SYNE3: variants seen among roughly 807,000 people sequenced by gnomAD.
SYNE3 encodes the protein nesprin-3.
A neutral mutation model predicts 111.2 loss-of-function variants in SYNE3; 100 were observed. That is an observed-to-expected ratio of 0.90 (90% CI 0.77 to 1.06). The LOEUF is 1.06. Among genes scored for constraint, SYNE3 ranks in the 50% least tolerant of loss-of-function variants. The probability of loss-of-function intolerance (pLI) is 0.00; values close to 1 mark genes in which losing one functional copy is unlikely to be tolerated. For synonymous variants in SYNE3, 547 were observed against 533.9 expected (o/e 1.02, Z -0.34); for missense variants, 1,160 against 1,240.3 (o/e 0.94, Z 0.97).
chr14:95,460,419 C>T (rs1887727344), intron 4 of SYNE3, among the ~76,000 whole-genome samples: 1 of 143,150 alleles, frequency 7.0e-6, no homozygotes, highest in African/African-American at 2.6e-5. Flanking sequence ...CGGGGTTTCA[C>T]CATGTTGGCT....
At chr14:95,478,279 G>A (rs1242213216) in intron 1 of SYNE3, among the ~76,000 whole-genome samples, 4 of 152,174 alleles carry the variant, frequency 2.6e-5, no homozygotes, top group Admixed American at 2.0e-4. Context: ...CATCCAATAA[G>A]CAGACAGCAG....
chr14:95,439,680 C>A lies in SYNE3; in HGVS notation c.2178G>T (p.Val726=). The A allele has an allele frequency of 6.2e-7, 1 of 1,614,104 alleles. No individual in the cohort carries two copies. Among genetic ancestry groups the A allele is most frequent in the Non-Finnish European group, 8.5e-7 (1 of 1,180,030 alleles). ...EKSSPEGAAV[V]QEELRELAES... is the part of the protein sequence containing the mutation. ...CTGCCAGCTCCCTGAGCTCCTCCTG[C>A]ACCACGGCAGCACCCTCCGGAGAAG... The change falls in exon 13 of 18, where the codon GTG becomes GTT. Residue 726 remains valine (V), a synonymous_variant. Coordinates refer to ENST00000682763, the MANE Select transcript of SYNE3 (RefSeq NM_152592.6).
chr14:95,409,482 C>A lies in SYNE3; in HGVS notation c.*8344G>T. ...TTTCAGAAAGGAAGCCCAGGATCCT[C>A]GGGGGAAACCGAGGTCCCTCCTTAT... is the stretch of plus-strand genomic sequence containing the variant. On this transcript the variant is annotated 3_prime_UTR_variant, in exon 18 of 18. Transcript: ENST00000682763. 2.4e-6 allele frequency: 1 copy of A among 419,426 alleles called. No individual in the cohort carries two copies. The highest frequency in any genetic ancestry group is 4.7e-6 in the Non-Finnish European group (1 of 211,144). 26.0% of individuals were successfully genotyped at this position (419,426 alleles called of 1,614,324 possible). A position where few individuals can be genotyped will look rare whatever the true frequency, so the allele number is the denominator to read the frequency against.
chr14:95,421,118 C>T (rs145838245), intron 17 of SYNE3, among the ~76,000 whole-genome samples: 8 of 152,238 alleles, frequency 5.3e-5, no homozygotes, highest in Admixed American at 1.3e-4. Flanking sequence ...TCCCCAGCCA[C>T]GTGGAACTGT....
At chr14:95,463,857 G>C (rs1887998848) in intron 4 of SYNE3, among the ~76,000 whole-genome samples, 1 of 152,262 alleles carries the variant, frequency 6.6e-6, no homozygotes, top group African/African-American at 2.4e-5. Flanking sequence ...AACAGCCATT[G>C]TTGTTCCTAT....
intron 5 of SYNE3, 80 bp from the exon 6 acceptor site, chr14:95,455,804 A>T: frequency 1.4e-6 from 2 of 1,398,160 alleles, no homozygotes; most frequent in Non-Finnish European, 2.0e-6. Flanking sequence ...CAGACCTGGG[A>T]CTGCCCTGCA....
intron 15 of SYNE3, among the ~76,000 whole-genome samples, chr14:95,436,525 A>G (rs980853801): frequency 1.3e-5 from 2 of 152,258 alleles, no homozygotes; most frequent in Non-Finnish European, 2.9e-5. Context: ...TATTGTTATC[A>G]GCCACAAACT....
Position 95,466,181 on chromosome 14 carries a change from TA to T in SYNE3, c.376del (p.Tyr126ThrfsTer7). ...GACCATCATCTTCTGGAACCAGCGG[TA>T]GAACTCATCTCGGGCCAGCAGGTAC... ...SEYLLARDEFYRWFQKMMVTL... is the reference protein window; with the variant it reads ...SEYLLARDEFXRWFQKMMVTL... On this transcript the variant is annotated frameshift_variant, in exon 4 of 18. Coordinates refer to ENST00000682763, the MANE Select transcript of SYNE3 (RefSeq NM_152592.6). LOFTEE classifies it high-confidence loss of function. 1 of 1,598,770 alleles carries T rather than the reference TA, an allele frequency of 6.3e-7. No homozygotes were observed. The highest frequency in any genetic ancestry group is 1.1e-5 in the South Asian group (1 of 90,676).
At chr14:95,422,553 T>C (rs991786303) in intron 17 of SYNE3, among the ~76,000 whole-genome samples, 27 of 152,186 alleles carry the variant, frequency 1.8e-4, no homozygotes, top group Admixed American at 1.8e-3. Flanking sequence ...CCGGGATCTG[T>C]GGAGGATGGG....
At position 95,511,717 on chromosome 14, in the gene SYNE3, A is replaced by T. The variant is rs148387136; in HGVS notation, c.-15+4879T>A. ...GAGACAGAGCAAGACTCCTTCTCAA[A>T]AAATAAATAAATAAATAAATTAAAT... On this transcript the variant is annotated intron_variant, in intron 1 of 17. Transcript: ENST00000682763. Among the ~76,000 whole-genome samples, 1,246 of 152,136 alleles carry T rather than the reference A, an allele frequency of 8.2e-3. 16 individuals carry two copies. Among genetic ancestry groups the T allele is most frequent in the African/African-American group, 0.028 (1,169 of 41,480 alleles).
In SYNE3 at chr14:95,439,685, C is replaced by A. The variant is rs572478808; in HGVS notation, c.2173G>T (p.Val725Leu). Residue 725 changes from valine to leucine, a missense_variant, in exon 13 of 18, where the codon GTG (valine) becomes TTG (leucine). By Grantham distance (32) the Val-to-Leu change is conservative. Coordinates refer to ENST00000682763, the MANE Select transcript of SYNE3 (RefSeq NM_152592.6). ...MEKSSPEGAA[V>L]VQEELRELAE... is the part of the protein sequence containing the mutation. ...AGCTCCCTGAGCTCCTCCTGCACCA[C>A]GGCAGCACCCTCCGGAGAAGACTTC... The A allele has an allele frequency of 6.2e-7, 1 of 1,614,142 alleles. No homozygotes were observed. Among genetic ancestry groups the A allele is most frequent in the East Asian group, 2.2e-5 (1 of 44,888 alleles).
At chr14:95,495,369 G>A (rs1382341635) in intron 1 of SYNE3, among the ~76,000 whole-genome samples, 3 of 152,224 alleles carry the variant, frequency 2.0e-5, no homozygotes, top group African/African-American at 4.8e-5. Flanking sequence ...CTCCTGCTCT[G>A]GGTTCATCTG....
chr14:95,434,848 G>C (rs924853717), intron 15 of SYNE3, among the ~76,000 whole-genome samples: 3 of 152,116 alleles, frequency 2.0e-5, no homozygotes, highest in African/African-American at 7.2e-5. Context: ...GTAGAAACGT[G>C]GTTTCTCCAT....
rs114658909 is a variant in SYNE3, at chr14:95,497,567, G to A, written c.-15+19029C>T. On this transcript the variant is annotated intron_variant, in intron 1 of 17. Coordinates refer to ENST00000682763, the MANE Select transcript of SYNE3 (RefSeq NM_152592.6). ...AAATTAACACCCTAGAATAATGCAC[G>A]GTCTGCAGAGAAAAAGAGCAGACTG... 6.4e-3 allele frequency among the ~76,000 whole-genome samples: 967 copies of A among 152,226 alleles called. 14 individuals carry two copies. The highest frequency in any genetic ancestry group is 0.022 in the African/African-American group (912 of 41,536).
chr14:95,509,238 G>T (rs933928994), intron 1 of SYNE3, among the ~76,000 whole-genome samples: 1 of 152,214 alleles, frequency 6.6e-6, no homozygotes, highest in African/African-American at 2.4e-5. Context: ...GTGGGAAGGG[G>T]CAGGGAGAAG....
intron 7 of SYNE3, chr14:95,450,420 G>C: frequency 3.4e-6 from 1 of 295,452 alleles, no homozygotes; most frequent in Non-Finnish European, 6.3e-6. Context: ...CACACCTGTA[G>C]TCCCAGCACT....
rs1889518357 is a variant in SYNE3 at position 95,485,810 on chromosome 14, C to T, written c.-14-9975G>A. ...CCACTGGACTATAAATATCTGTCCC[C>T]TCATCTCTCCTGCTCCTCACTTCAC... On this transcript the variant is annotated intron_variant, in intron 1 of 17. Coordinates refer to ENST00000682763, the MANE Select transcript of SYNE3 (RefSeq NM_152592.6). This position sits in a 1 kb window ranked among gnomAD's most constrained non-coding sequence, Gnocchi z 4.3. 6.6e-6 allele frequency among the ~76,000 whole-genome samples: 1 copy of T among 152,180 alleles called. No homozygotes were observed. Among genetic ancestry groups the T allele is most frequent in the South Asian group, 2.1e-4 (1 of 4,832 alleles).
At chr14:95,420,710 A>AC in intron 17 of SYNE3, among the ~76,000 whole-genome samples, 1 of 152,084 alleles carries the variant, frequency 6.6e-6, no homozygotes, top group African/African-American at 2.4e-5. Context: ...ATGCTTAGGA[A>AC]AACACACACA....
At chr14:95,434,024 G>C (rs1885941934) in intron 15 of SYNE3, among the ~76,000 whole-genome samples, 1 of 152,068 alleles carries the variant, frequency 6.6e-6, no homozygotes, top group African/African-American at 2.4e-5. Context: ...AAGCAAGGGG[G>C]TTTAACTTGA....
Sources: gnomAD v4.1 joint callset for allele counts (sites outside exome capture counted in the v4.1 genomes callset) on GRCh38, gnomAD v4.1.1 for gene constraint, Gnocchi (gnomAD v3.1) non-coding constraint, MANE v1.5 for transcripts, NCBI Gene and HGNC (gene_info 2026-07-23, HGNC 2026-07-21) for gene names.